DOCK1: variants seen among roughly 807,000 people sequenced by gnomAD.
DOCK1 encodes dedicator of cytokinesis 1, also known as dedicator of cytokinesis protein 1.
Under a neutral mutation model 262.7 loss-of-function variants are expected in DOCK1, and 138 were observed. The ratio of observed to expected loss-of-function variants is 0.53; its 90% CI spans 0.46 to 0.61. The LOEUF is 0.61. DOCK1 is among the 20% of genes least tolerant of loss of function. DOCK1 has a pLI of 0.00. For missense variants in DOCK1, 1,908 were observed against 2,370.7 expected, an observed-to-expected ratio of 0.80 and a Z score of 4.05; for synonymous variants, 866 against 867.4, an observed-to-expected ratio of 1.00 and a Z score of 0.03.
intron 12 of DOCK1, chr10:127,013,581 G>A (rs1187970792): frequency 7.2e-5 from 11 of 152,234 alleles, no homozygotes; most frequent in Admixed American, 5.9e-4. Context: ...CTGGGAAAGA[G>A]GACCAGAAGC....
chr10:127,065,730 C>T (rs914398627), intron 23 of DOCK1, among the ~76,000 whole-genome samples: 1 of 152,158 alleles, frequency 6.6e-6, no homozygotes, highest in African/African-American at 2.4e-5. Flanking sequence ...CATCACCTAC[C>T]TTGAGTGAAT....
At chr10:127,127,080 A>C (rs531634437) in intron 26 of DOCK1, among the ~76,000 whole-genome samples, 1 of 152,180 alleles carries the variant, frequency 6.6e-6, no homozygotes, top group Non-Finnish European at 1.5e-5. Flanking sequence ...GTATGGCCAA[A>C]GCTCACAGAG....
At chr10:127,283,385 A>G (rs530764550) in intron 29 of DOCK1, among the ~76,000 whole-genome samples, 8 of 152,350 alleles carry the variant, frequency 5.3e-5, no homozygotes, top group South Asian at 2.1e-4. Context: ...CTTGTCACCA[A>G]GGAGGTTACT....
chr10:127,338,864 T>C (rs1048192969), intron 29 of DOCK1, 142 bp from the exon 30 acceptor site: 1 of 630,766 alleles, frequency 1.6e-6, no homozygotes, highest in Non-Finnish European at 2.6e-6. Flanking sequence ...GATCTTTTCG[T>C]TGGCAAAACC....
chr10:127,395,160 G>A (rs572442907), intron 38 of DOCK1, among the ~76,000 whole-genome samples: 2 of 152,278 alleles, frequency 1.3e-5, no homozygotes, highest in South Asian at 4.1e-4. Flanking sequence ...GACTGTCTTC[G>A]TCCCTTCATG....
chr10:127,104,308 A>G (rs1001092935), intron 23 of DOCK1, among the ~76,000 whole-genome samples: 1 of 152,198 alleles, frequency 6.6e-6, no homozygotes, highest in Admixed American at 6.5e-5. Context: ...TCTTTTACAC[A>G]TTGTGCTATT....
chr10:126,926,419 C>T (rs2033728375), intron 1 of DOCK1, among the ~76,000 whole-genome samples: 1 of 152,116 alleles, frequency 6.6e-6, no homozygotes, highest in African/African-American at 2.4e-5. Flanking sequence ...CAACATTTTC[C>T]CGTAAGTATT....
At chr10:126,965,018 T>C (rs1336579506) in intron 1 of DOCK1, among the ~76,000 whole-genome samples, 2 of 152,220 alleles carry the variant, frequency 1.3e-5, no homozygotes, top group Admixed American at 6.5e-5. Context: ...TGGTTTTAGC[T>C]ACTGTGGGAA....
At chr10:127,166,905 T>C (rs1446390672) in intron 27 of DOCK1, among the ~76,000 whole-genome samples, 1 of 152,128 alleles carries the variant, frequency 6.6e-6, no homozygotes, top group Non-Finnish European at 1.5e-5. Flanking sequence ...TGGTGAGGCT[T>C]TTATTCACCT....
At chr10:127,385,272 G>A (rs1011590688) in intron 38 of DOCK1, among the ~76,000 whole-genome samples, 5 of 152,138 alleles carry the variant, frequency 3.3e-5, no homozygotes, top group Non-Finnish European at 7.4e-5. Context: ...ATGGTAGGAT[G>A]GATATTGCTC....
At chr10:127,385,374 G>T (rs2066052828) in intron 38 of DOCK1, among the ~76,000 whole-genome samples, 1 of 151,814 alleles carries the variant, frequency 6.6e-6, no homozygotes, top group Non-Finnish European at 1.5e-5. Flanking sequence ...ATTTTAATCA[G>T]CCAGTATTAT....
Position 127,244,942 on chromosome 10 carries a change from A to G in DOCK1, c.2848-3066A>G, listed in dbSNP as rs1564930466. ...ATTTAAAATAAATCAGTTAAAGCACAGAATAGTAATTTTCTTCTGAGCACA... is the reference window on the plus strand; with the variant it reads ...ATTTAAAATAAATCAGTTAAAGCACGGAATAGTAATTTTCTTCTGAGCACA... On this transcript the variant is annotated intron_variant, in intron 27 of 51. Transcript: ENST00000623213. Among the ~76,000 whole-genome samples, 3 of 152,344 alleles carry G rather than the reference A, an allele frequency of 2.0e-5. No homozygotes were observed. The East Asian group carries it at 5.8e-4, about 29-fold the overall frequency.
intron 27 of DOCK1, among the ~76,000 whole-genome samples, chr10:127,203,690 C>G (rs539485119): frequency 1.4e-5 from 2 of 146,846 alleles, no homozygotes; most frequent in South Asian, 4.3e-4. Flanking sequence ...GAGAATTAAA[C>G]AGTCTTCGCT....
intron 21 of DOCK1, among the ~76,000 whole-genome samples, chr10:127,045,200 TAAAAAAAAAAA>T (rs71032534): frequency 1.2e-5 from 1 of 82,102 alleles, no homozygotes. Context: ...TCTGTCTCAA[TAAAAAAAAAAA>T]AAAAAAAAAA....
At chr10:127,026,322 G>C in intron 15 of DOCK1, 30 bp from the exon 16 acceptor site, 3 of 1,548,256 alleles carry the variant, frequency 1.9e-6, no homozygotes, top group Non-Finnish European at 2.6e-6. Context: ...ATTGATAACA[G>C]TGCTTAAACT....
At chr10:127,279,219 AT>A (rs1305531586) in intron 29 of DOCK1, among the ~76,000 whole-genome samples, 6 of 152,250 alleles carry the variant, frequency 3.9e-5, no homozygotes, top group African/African-American at 1.4e-4. Context: ...ACAAATTATT[AT>A]TAAAGGTAAT....
chr10:127,442,326 C>G (rs76421024), intron 49 of DOCK1, among the ~76,000 whole-genome samples: 3,616 of 152,272 alleles, frequency 0.024, 53 homozygotes, highest in Non-Finnish European at 0.035. Flanking sequence ...CACAGCGCAT[C>G]CACCAGGCCC....
At position 127,052,805 on chromosome 10, in the gene DOCK1, C is replaced by T. The variant is rs538624139; in HGVS notation, c.2326C>T (p.Leu776=). 13 of 1,612,734 alleles carry T rather than the reference C, an allele frequency of 8.1e-6. No individual in the cohort carries two copies. The East Asian group carries it at 2.0e-4, about 25-fold the overall frequency. The change falls in exon 22 of 52, where the codon CTG becomes TTG. Residue 776 remains leucine, a synonymous_variant. Transcript: ENST00000623213. ...IFKFIVRSRI[L]FNQLYENKGE... is the part of the protein sequence containing the mutation. ...CAAGTTCATCGTGCGCTCCAGGATCCTGTTCAATCAGTGCGTACCTATCCC... is the reference window on the plus strand; with the variant it reads ...CAAGTTCATCGTGCGCTCCAGGATCTTGTTCAATCAGTGCGTACCTATCCC...
intron 38 of DOCK1, among the ~76,000 whole-genome samples, chr10:127,387,524 C>T (rs578119190): frequency 3.9e-5 from 6 of 152,282 alleles, no homozygotes; most frequent in African/African-American, 1.4e-4. Context: ...TAAATGTCAC[C>T]TGTTCTCCAG....
Sources: gnomAD v4.1 joint callset for allele counts (sites outside exome capture counted in the v4.1 genomes callset) on GRCh38, gnomAD v4.1.1 for gene constraint, MANE v1.5 for transcripts, NCBI Gene and HGNC (gene_info 2026-07-23, HGNC 2026-07-21) for gene names.